Variants in ESRRG observed in about 807,000 individuals in gnomAD.
ESRRG encodes the protein estrogen-related receptor gamma.
Under a neutral mutation model 44.0 loss-of-function variants are expected in ESRRG, and 13 were observed. The ratio of observed to expected loss-of-function variants is 0.30; its 90% confidence interval spans 0.19 to 0.47. ESRRG has a LOEUF of 0.47. ESRRG is among the 20% of genes least tolerant of loss of function. ESRRG has a pLI of 1.00. For missense variants in ESRRG, 395 were observed against 580.6 expected, an observed-to-expected ratio of 0.68 and a Z score of 3.29; for synonymous variants, 215 against 214.6, an observed-to-expected ratio of 1.00 and a Z score of -0.02.
At chr1:216,873,338 A>T (rs2149238392) in intron 2 of ESRRG, among the ~76,000 whole-genome samples, 1 of 147,814 alleles carries the variant, frequency 6.8e-6, no homozygotes. Flanking sequence ...CAGCCTCCTG[A>T]GTAGCTGGGA....
In ESRRG at chr1:216,551,946, A is replaced by T. The variant is rs1252174928; in HGVS notation, c.862+12273T>A. Reference sequence around the variant, plus strand: ...TGTTGGCCATGTTCCCCAATCACAAACCTCAGTCAGTCTCTCTACTATATC... The same window carrying T: ...TGTTGGCCATGTTCCCCAATCACAATCCTCAGTCAGTCTCTCTACTATATC... On this transcript the variant is annotated intron_variant, in intron 5 of 6. Transcript: ENST00000408911. 1.1e-4 allele frequency among the ~76,000 whole-genome samples: 16 copies of T among 151,996 alleles called. No homozygotes were observed. The East Asian group carries it at 2.9e-3, about 28-fold the overall frequency.
At chr1:216,885,975 C>CT (rs995586501) in intron 2 of ESRRG, among the ~76,000 whole-genome samples, 50 of 151,714 alleles carry the variant, frequency 3.3e-4, no homozygotes, top group African/African-American at 7.7e-4. Context: ...ATCTTCGTCC[C>CT]TTTTTTTTAA....
At chr1:216,524,261 T>C (rs2046989718) in intron 5 of ESRRG, among the ~76,000 whole-genome samples, 1 of 146,862 alleles carries the variant, frequency 6.8e-6, no homozygotes, top group African/African-American at 2.5e-5. Flanking sequence ...TATATATATA[T>C]ATATATAGTC....
At chr1:216,995,310 G>A (rs546699386) in intron 1 of ESRRG, among the ~76,000 whole-genome samples, 2 of 152,230 alleles carry the variant, frequency 1.3e-5, no homozygotes, top group Middle Eastern at 3.4e-3. Context: ...CTCACTGTCC[G>A]TTGCCTATCT....
intron 1 of ESRRG, among the ~76,000 whole-genome samples, chr1:216,697,272 A>G (rs2080367867): frequency 6.6e-6 from 1 of 152,068 alleles, no homozygotes; most frequent in Admixed American, 6.6e-5. Context: ...GGCCCCAAAT[A>G]TCATGTTTAA....
At chr1:216,509,379 C>T (rs933652962) in intron 6 of ESRRG, among the ~76,000 whole-genome samples, 1 of 152,180 alleles carries the variant, frequency 6.6e-6, no homozygotes, top group Non-Finnish European at 1.5e-5. Context: ...TGAATTTCCT[C>T]TTTAAATTTT....
At chr1:216,912,183 A>AAGAAGAGGAGAGGAGAGGAGAGGAG (rs1560083326) in intron 2 of ESRRG, among the ~76,000 whole-genome samples, 3 of 21,156 alleles carry the variant, frequency 1.4e-4, no homozygotes, top group Non-Finnish European at 2.4e-4. Context: ...AAGAAAAGAA[A>AAGAAGAGGAGAGGAGAGGAGAGGAG]AGGAGAGGAG....
At chr1:216,718,960 T>C (rs972038361) in intron 1 of ESRRG, among the ~76,000 whole-genome samples, 2 of 152,048 alleles carry the variant, frequency 1.3e-5, no homozygotes, top group Non-Finnish European at 2.9e-5. Context: ...ATCATTGCTA[T>C]TAATTGCCAT....
At chr1:216,800,411 G>C (rs189148337) in intron 2 of ESRRG, among the ~76,000 whole-genome samples, 96 of 152,236 alleles carry the variant, frequency 6.3e-4, no homozygotes, top group Non-Finnish European at 1.1e-3. Flanking sequence ...GGACAACTTT[G>C]AAAAGCAAGT....
chr1:216,677,825 C>G (rs2076365179), intron 1 of ESRRG, among the ~76,000 whole-genome samples: 1 of 152,166 alleles, frequency 6.6e-6, no homozygotes, highest in African/African-American at 2.4e-5. Flanking sequence ...TTACCTTTCT[C>G]TTGGAGAACC....
intron 3 of ESRRG, among the ~76,000 whole-genome samples, chr1:216,570,540 A>AT (rs1008236065): frequency 3.5e-4 from 53 of 152,052 alleles, no homozygotes; most frequent in African/African-American, 1.2e-3. Flanking sequence ...AGGTGACCAC[A>AT]TTTTTTCTGG....
chr1:217,025,580 T>C (rs1317276167), intron 1 of ESRRG, among the ~76,000 whole-genome samples: 1 of 152,220 alleles, frequency 6.6e-6, no homozygotes, highest in Non-Finnish European at 1.5e-5. Context: ...TTTAGCATGC[T>C]AATGTTCTTC....
chr1:216,728,833 A>G (rs2088112079), intron 2 of ESRRG, among the ~76,000 whole-genome samples: 1 of 151,988 alleles, frequency 6.6e-6, no homozygotes, highest in Non-Finnish European at 1.5e-5. Context: ...TCTGGTATCC[A>G]TATAAACAGG....
At chr1:216,682,540 A>C (rs1204093042) in intron 1 of ESRRG, among the ~76,000 whole-genome samples, 1 of 152,214 alleles carries the variant, frequency 6.6e-6, no homozygotes, top group Non-Finnish European at 1.5e-5. Flanking sequence ...TCAGAATCAC[A>C]GAATTTCAGG....
chr1:216,766,336 T>C (rs1481807837), intron 2 of ESRRG, among the ~76,000 whole-genome samples: 1 of 152,004 alleles, frequency 6.6e-6, no homozygotes, highest in Non-Finnish European at 1.5e-5. Flanking sequence ...AGAAGACGTA[T>C]ATGTGGAGGA....
chr1:216,991,899 ATG>A (rs1356279752), intron 1 of ESRRG, among the ~76,000 whole-genome samples: 3 of 152,156 alleles, frequency 2.0e-5, no homozygotes, highest in Non-Finnish European at 4.4e-5. Context: ...CAACATATGT[ATG>A]TGTGTCTGTT....
chr1:216,781,190 C>T (rs1017659224), intron 2 of ESRRG, among the ~76,000 whole-genome samples: 1 of 151,840 alleles, frequency 6.6e-6, no homozygotes, highest in African/African-American at 2.4e-5. Flanking sequence ...ACAACATATT[C>T]ATGTTTTCAC....
chr1:217,050,876 G>A (rs1268457698), intron 1 of ESRRG, among the ~76,000 whole-genome samples: 1 of 151,974 alleles, frequency 6.6e-6, no homozygotes, highest in Non-Finnish European at 1.5e-5. Flanking sequence ...CCTTTCTAGG[G>A]CTCCAAATGA....
At chr1:216,543,524 T>C (rs2053514413) in intron 5 of ESRRG, among the ~76,000 whole-genome samples, 1 of 151,998 alleles carries the variant, frequency 6.6e-6, no homozygotes, top group African/African-American at 2.4e-5. Flanking sequence ...TGTTTTATCA[T>C]CTTAATATTC....
Sources: gnomAD v4.1 joint callset for allele counts (sites outside exome capture counted in the v4.1 genomes callset) on GRCh38, gnomAD v4.1.1 for gene constraint, MANE v1.5 for transcripts, NCBI Gene and HGNC (gene_info 2026-07-23, HGNC 2026-07-21) for gene names.